Variants in GABRG3 observed in about 807,000 individuals in gnomAD.
GABRG3 encodes gamma-aminobutyric acid type A receptor subunit gamma3.
A neutral mutation model predicts 48.8 loss-of-function variants in GABRG3; 25 were observed. That is an observed-to-expected ratio of 0.51 (90% CI 0.37 to 0.72). The LOEUF (loss-of-function observed/expected upper bound fraction) is 0.72, where lower values mean the gene tolerates loss of function less well. Among genes scored for constraint, GABRG3 ranks in the 30% least tolerant of loss-of-function variants. The pLI, the probability that GABRG3 is intolerant of heterozygous loss-of-function variation, is 0.00. For synonymous variants in GABRG3, 227 were observed against 217.6 expected, an observed-to-expected ratio of 1.04 and a Z score of -0.38; for missense variants, 394 against 577.9, an observed-to-expected ratio of 0.68 and a Z score of 3.26.
intron 5 of GABRG3, among the ~76,000 whole-genome samples, chr15:27,340,238 G>T (rs897949697): frequency 3.9e-5 from 6 of 152,144 alleles, no homozygotes; most frequent in Non-Finnish European, 8.8e-5. Context: ...GCAGGAGCGG[G>T]TGCGAGGGAT....
chr15:27,219,246 G>A (rs140367194), intron 3 of GABRG3, among the ~76,000 whole-genome samples: 78 of 152,308 alleles, frequency 5.1e-4, no homozygotes, highest in Non-Finnish European at 9.1e-4. Context: ...ATTTTCATGT[G>A]TGCAGTGCTC....
At chr15:26,984,297 T>A (rs535522926) in intron 2 of GABRG3, among the ~76,000 whole-genome samples, 2 of 152,186 alleles carry the variant, frequency 1.3e-5, no homozygotes, top group East Asian at 1.9e-4. Context: ...TCTCCCAACA[T>A]ACGTGGTCCA....
intron 3 of GABRG3, among the ~76,000 whole-genome samples, chr15:27,101,550 T>C (rs1897357250): frequency 6.6e-6 from 1 of 152,156 alleles, no homozygotes; most frequent in Admixed American, 6.5e-5. Flanking sequence ...ATTATATAGC[T>C]ACATAATCAA....
intron 2 of GABRG3, among the ~76,000 whole-genome samples, chr15:26,997,210 A>G (rs1255673001): frequency 1.3e-5 from 2 of 152,014 alleles, no homozygotes; most frequent in African/African-American, 2.4e-5. Flanking sequence ...TATCTGTTTC[A>G]TAAGATTTTG....
chr15:27,003,309 A>G (rs1375073450), intron 2 of GABRG3, among the ~76,000 whole-genome samples: 1 of 151,134 alleles, frequency 6.6e-6, no homozygotes, highest in African/African-American at 2.4e-5. Context: ...AGTGGAGGGA[A>G]GGTCAGCAGA....
intron 5 of GABRG3, among the ~76,000 whole-genome samples, chr15:27,401,696 G>T (rs576830396): frequency 1.3e-5 from 2 of 152,166 alleles, no homozygotes; most frequent in Non-Finnish European, 2.9e-5. Context: ...TGTCCAGCTG[G>T]ACTGTAGATT....
chr15:27,500,714 CT>C (rs1224223801), intron 6 of GABRG3, among the ~76,000 whole-genome samples: 1 of 152,212 alleles, frequency 6.6e-6, no homozygotes, highest in South Asian at 2.1e-4. Context: ...ATACATTCCC[CT>C]GTTGTATCAG....
At chr15:27,172,701 C>A (rs1162065939) in intron 3 of GABRG3, among the ~76,000 whole-genome samples, 1 of 152,150 alleles carries the variant, frequency 6.6e-6, no homozygotes, top group Non-Finnish European at 1.5e-5. Context: ...CCTTAGTCCA[C>A]AGTGAGCCAG....
At chr15:27,284,047 G>C (rs918857165) in intron 3 of GABRG3, among the ~76,000 whole-genome samples, 2 of 152,028 alleles carry the variant, frequency 1.3e-5, no homozygotes, top group African/African-American at 2.4e-5. Context: ...GGGGTGCAAG[G>C]GGGGAGGCAG....
chr15:27,296,520 C>T (rs1484746610), intron 3 of GABRG3, among the ~76,000 whole-genome samples: 1 of 152,028 alleles, frequency 6.6e-6, no homozygotes, highest in African/African-American at 2.4e-5. Flanking sequence ...TATAAATAGT[C>T]ATGTGCTACA....
chr15:27,047,754 G>A (rs746623709), intron 3 of GABRG3, among the ~76,000 whole-genome samples: 10 of 152,168 alleles, frequency 6.6e-5, no homozygotes, highest in Admixed American at 6.5e-5. Context: ...GGCTGCTGCC[G>A]ACTTTGCAGA....
chr15:27,465,436 C>A (rs545059978), intron 5 of GABRG3, among the ~76,000 whole-genome samples: 1 of 152,244 alleles, frequency 6.6e-6, no homozygotes, highest in Non-Finnish European at 1.5e-5. Flanking sequence ...TTTGTGCCAA[C>A]TGATGCCCCA....
chr15:27,466,501 T>C (rs1566853801), intron 5 of GABRG3, among the ~76,000 whole-genome samples: 1 of 152,246 alleles, frequency 6.6e-6, no homozygotes, highest in Non-Finnish European at 1.5e-5. Flanking sequence ...AAAATAAATT[T>C]GGAACAGCTT....
rs560602027 is a variant in GABRG3 at position 27,220,683 on chromosome 15, C to A, written c.271-106126C>A. ...TCCCTAGAACATCTGCAACTCTAACCTGTTTGGAGACTGTTGCTTAAGTTC... is the reference window on the plus strand; with the variant it reads ...TCCCTAGAACATCTGCAACTCTAACATGTTTGGAGACTGTTGCTTAAGTTC... On this transcript the variant is annotated intron_variant, in intron 3 of 9. Transcript: ENST00000615808. 3.9e-5 allele frequency among the ~76,000 whole-genome samples: 6 copies of A among 152,236 alleles called. No individual in the cohort carries two copies. The East Asian group carries it at 1.2e-3, about 29-fold the overall frequency.
chr15:27,307,221 C>A lies in GABRG3; in HGVS notation c.271-19588C>A, dbSNP rs993658020. 4.6e-5 allele frequency among the ~76,000 whole-genome samples: 6 copies of A among 129,824 alleles called. 1 individual carries two copies. The highest frequency in any genetic ancestry group is 1.6e-4 in the Admixed American group (2 of 12,152). The allele number at this position is 129,824 out of a possible 152,430, so 85.2% of individuals were successfully genotyped here. ...ATAATACAAACATGTTTATATATAACCATGTTTATATTATATGTTTATATA... is the reference window on the plus strand; with the variant it reads ...ATAATACAAACATGTTTATATATAAACATGTTTATATTATATGTTTATATA... On this transcript the variant is annotated intron_variant, in intron 3 of 9. Coordinates refer to ENST00000615808, the MANE Select transcript of GABRG3 (RefSeq NM_033223.5).
intron 5 of GABRG3, among the ~76,000 whole-genome samples, chr15:27,474,725 T>C (rs1050120518): frequency 5.3e-5 from 8 of 152,242 alleles, no homozygotes; most frequent in African/African-American, 1.4e-4. Flanking sequence ...GTATTTTAAA[T>C]GATTGATAAT....
chr15:27,119,335 T>G (rs1435725015), intron 3 of GABRG3, among the ~76,000 whole-genome samples: 7 of 152,252 alleles, frequency 4.6e-5, no homozygotes, highest in African/African-American at 1.4e-4. Context: ...TTTGTATGTT[T>G]TTCTTGATAA....
chr15:27,388,087 G>GA (rs1566817575), intron 5 of GABRG3, among the ~76,000 whole-genome samples: 256 of 49,598 alleles, frequency 5.2e-3, no homozygotes, highest in Middle Eastern at 0.011. Flanking sequence ...GGAAGGAAAG[G>GA]AGGGAGGAAA....
At chr15:27,301,661 T>C (rs1892212181) in intron 3 of GABRG3, among the ~76,000 whole-genome samples, 1 of 151,964 alleles carries the variant, frequency 6.6e-6, no homozygotes, top group Admixed American at 6.6e-5. Context: ...TCACAATTTA[T>C]TTAAAAATAT....
Sources: gnomAD v4.1 joint callset for allele counts (sites outside exome capture counted in the v4.1 genomes callset) on GRCh38, gnomAD v4.1.1 for gene constraint, MANE v1.5 for transcripts, NCBI Gene and HGNC (gene_info 2026-07-23, HGNC 2026-07-21) for gene names.